The following GPR107 variants were observed in gnomAD, a reference collection of about 807,000 sequenced individuals.
GPR107 encodes the protein protein GPR107.
GPR107 carries 31 observed loss-of-function variants against 75.5 expected under a neutral mutation model. That is an observed-to-expected ratio of 0.41 (90% CI 0.31 to 0.55). The LOEUF (loss-of-function observed/expected upper bound fraction) is 0.55. GPR107 is among the 20% of genes least tolerant of loss of function. GPR107 has a pLI of 0.26. For synonymous variants in GPR107, 267 were observed against 251.3 expected, an observed-to-expected ratio of 1.06 and a Z score of -0.59; for missense variants, 572 against 665.7, an observed-to-expected ratio of 0.86 and a Z score of 1.55.
intron 1 of GPR107, among the ~76,000 whole-genome samples, chr9:130,064,491 C>G (rs923945882): frequency 6.6e-6 from 1 of 152,178 alleles, no homozygotes; most frequent in Non-Finnish European, 1.5e-5. Context: ...TGAGCCACCG[C>G]GCCCGGCCAA....
Position 130,136,289 on chromosome 9 carries a change from A to G in GPR107, c.*1168A>G, listed in dbSNP as rs1161593089. ...TCCCTTCCACACTTCCAGAGCTTGAATGAACACAGGTAGCCACCTAAATTG... is the reference window on the plus strand; with the variant it reads ...TCCCTTCCACACTTCCAGAGCTTGAGTGAACACAGGTAGCCACCTAAATTG... On this transcript the variant is annotated 3_prime_UTR_variant, in exon 18 of 18. Coordinates refer to ENST00000347136, the MANE Select transcript of GPR107 (RefSeq NM_020960.5). The G allele has an allele frequency of 6.6e-6, 1 of 152,244 alleles. No individual in the cohort carries two copies. Among genetic ancestry groups the G allele is most frequent in the South Asian group, 2.1e-4 (1 of 4,834 alleles). The allele number at this position is 152,244 out of a possible 1,614,324, so 9.4% of individuals were successfully genotyped here. A position where few individuals can be genotyped will look rare whatever the true frequency, so the allele number is the denominator to read the frequency against.
chr9:130,125,084 G>T, intron 15 of GPR107, 120 bp downstream of exon 15: 1 of 303,924 alleles, frequency 3.3e-6, no homozygotes. Context: ...TGAGCAGTGT[G>T]GCTTGCTTTT....
At chr9:130,098,319 A>G (rs1247738285) in intron 9 of GPR107, among the ~76,000 whole-genome samples, 1 of 152,160 alleles carries the variant, frequency 6.6e-6, no homozygotes. Context: ...GCTTTGTCTC[A>G]TTGGCCTGGG....
In GPR107 at chr9:130,139,014, T is replaced by G. The variant is rs891821098; in HGVS notation, c.*3893T>G. On this transcript the variant is annotated 3_prime_UTR_variant, in exon 18 of 18. Transcript: ENST00000347136. Reference sequence around the variant, plus strand: ...CAACTCATGCTTCATGCTGCCAAGCTGCTGTACTTCAAAGGAAACAGATCT... The same window carrying G: ...CAACTCATGCTTCATGCTGCCAAGCGGCTGTACTTCAAAGGAAACAGATCT... The G allele has an allele frequency of 6.6e-6, 1 of 152,328 alleles. No homozygotes were observed. The highest frequency in any genetic ancestry group is 6.5e-5 in the Admixed American group (1 of 15,278). 9.4% of individuals were successfully genotyped at this position (152,328 alleles called of 1,614,324 possible). A position where few individuals can be genotyped will look rare whatever the true frequency, so the allele number is the denominator to read the frequency against.
intron 1 of GPR107, among the ~76,000 whole-genome samples, chr9:130,068,740 T>A (rs1830128774): frequency 7.0e-6 from 1 of 143,038 alleles, no homozygotes; most frequent in African/African-American, 2.6e-5. Context: ...AAACAGTATG[T>A]CCTCTTTTTT....
chr9:130,132,748 T>C (rs1831857144), intron 17 of GPR107, among the ~76,000 whole-genome samples: 2 of 151,670 alleles, frequency 1.3e-5, no homozygotes, highest in African/African-American at 4.8e-5. Context: ...ATGGCGCCAC[T>C]GCACTCCAGC....
chr9:130,098,162 A>T (rs940501220), intron 9 of GPR107, among the ~76,000 whole-genome samples: 15 of 152,208 alleles, frequency 9.9e-5, no homozygotes, highest in Non-Finnish European at 1.9e-4. Context: ...GATTACAGGC[A>T]TGAGCCACTG....
At chr9:130,128,834 G>A (rs2286794) in intron 17 of GPR107, 73 bp downstream of exon 17, 906,551 of 1,438,116 alleles carry the variant, frequency 0.63, 288,380 homozygotes, top group East Asian at 0.81. Context: ...GTGTGAATCG[G>A]GTCGGCTGCT....
chr9:130,119,272 G>C (rs1175354138), intron 14 of GPR107, among the ~76,000 whole-genome samples: 1 of 152,216 alleles, frequency 6.6e-6, no homozygotes, highest in Non-Finnish European at 1.5e-5. Context: ...GGAGAGCCCA[G>C]GCGCCCTGGC....
intron 9 of GPR107, among the ~76,000 whole-genome samples, chr9:130,092,703 C>T (rs535561155): frequency 6.6e-6 from 1 of 152,034 alleles, no homozygotes; most frequent in Non-Finnish European, 1.5e-5. Context: ...GCAAGCTCCG[C>T]CTCCTGTGTT....
chr9:130,065,765 T>C (rs1830053271), intron 1 of GPR107, among the ~76,000 whole-genome samples: 1 of 27,904 alleles, frequency 3.6e-5, no homozygotes, highest in Admixed American at 3.7e-4. Flanking sequence ...AGACCCTGTC[T>C]CAAAAAAAAA....
chr9:130,115,523 G>A (rs966533089), intron 14 of GPR107, among the ~76,000 whole-genome samples: 7 of 151,736 alleles, frequency 4.6e-5, no homozygotes, highest in Non-Finnish European at 8.8e-5. Context: ...CCAGCACTTC[G>A]GGAAGACGAG....
At chr9:130,117,786 A>C (rs529898617) in intron 14 of GPR107, among the ~76,000 whole-genome samples, 1 of 152,246 alleles carries the variant, frequency 6.6e-6, no homozygotes, top group African/African-American at 2.4e-5. Context: ...TTAGGCTCTG[A>C]GGCTGTCCTT....
intron 17 of GPR107, among the ~76,000 whole-genome samples, chr9:130,130,478 C>T (rs755844547): frequency 3.3e-5 from 5 of 152,132 alleles, no homozygotes; most frequent in African/African-American, 7.2e-5. Flanking sequence ...TTCATGTGGG[C>T]GAGGAACGTG....
chr9:130,080,094 C>G (rs921166604), intron 5 of GPR107, among the ~76,000 whole-genome samples: 2 of 152,120 alleles, frequency 1.3e-5, no homozygotes, highest in African/African-American at 4.8e-5. Context: ...TACTTTTTAG[C>G]CCATTTCATA....
intron 15 of GPR107, among the ~76,000 whole-genome samples, 188 bp downstream of exon 15, chr9:130,125,152 G>A (rs1406682735): frequency 1.4e-5 from 2 of 142,356 alleles, no homozygotes; most frequent in East Asian, 2.1e-4. Flanking sequence ...AGGCTGGAGT[G>A]CAGTGGCACG....
At chr9:130,099,569 A>G in intron 10 of GPR107, 37 bp downstream of exon 10, 1 of 1,161,364 alleles carries the variant, frequency 8.6e-7, no homozygotes, top group Non-Finnish European at 1.3e-6. Flanking sequence ...TCATGAAATT[A>G]CGTATAATGC....
At chr9:130,115,171 G>A (rs936075063) in intron 14 of GPR107, among the ~76,000 whole-genome samples, 1 of 152,170 alleles carries the variant, frequency 6.6e-6, no homozygotes, top group African/African-American at 2.4e-5. Flanking sequence ...TGAGAATCTA[G>A]TGAGAGATAT....
At chr9:130,083,699 T>A in intron 6 of GPR107, 97 bp downstream of exon 6, 1 of 644,032 alleles carries the variant, frequency 1.6e-6, no homozygotes, top group African/African-American at 1.9e-5. Flanking sequence ...TATATATACA[T>A]ACATGCATGC....
Sources: allele counts gnomAD v4.1 joint callset (sites outside exome capture counted in the v4.1 genomes callset), GRCh38; gene constraint gnomAD v4.1.1; transcripts MANE v1.5; gene names NCBI Gene and HGNC (gene_info 2026-07-23, HGNC 2026-07-21).